MID1: variants seen among roughly 807,000 people sequenced by gnomAD.
The protein encoded by MID1 is E3 ubiquitin-protein ligase Midline-1.
Under a neutral mutation model 40.4 loss-of-function variants are expected in MID1, and 7 were observed. The ratio of observed to expected loss-of-function variants is 0.17; its 90% confidence interval spans 0.10 to 0.33. The LOEUF (loss-of-function observed/expected upper bound fraction) is 0.33. Ranked by LOEUF, MID1 falls within the 10% of genes least tolerant of loss-of-function variation. MID1 has a pLI of 1.00. For missense variants in MID1, 367 were observed against 558.5 expected (o/e 0.66, Z 3.46); for synonymous variants, 229 against 221.2 (o/e 1.04, Z -0.31).
chrX:10,700,478 G>T (rs1378835833), intron 1 of MID1, among the ~76,000 whole-genome samples: 1 of 111,292 alleles, frequency 9.0e-6, no homozygotes, highest in African/African-American at 3.3e-5. Context: ...CCTGAGCTCT[G>T]GGAGGTTGAG....
At chrX:10,751,280 A>G (rs897135251) in intron 1 of MID1, among the ~76,000 whole-genome samples, 5 of 109,811 alleles carry the variant, frequency 4.6e-5, no homozygotes, top group African/African-American at 1.7e-4. Flanking sequence ...AAAAAGAAAG[A>G]AAGAAAAAAG....
In MID1 at chrX:10,460,356, T is replaced by C. The variant is rs1246333391; in HGVS notation, c.1286-549A>G. ...GACCTCCAACAGGGAAGCTAAGAAA[T>C]GATCATCATCCCTAGGATGACTGGT... On this transcript the variant is annotated intron_variant, in intron 7 of 9. Coordinates refer to ENST00000317552, the MANE Select transcript of MID1 (RefSeq NM_000381.4). 2.7e-5 allele frequency among the ~76,000 whole-genome samples: 3 copies of C among 111,163 alleles called. No homozygotes were observed. The East Asian group carries it at 8.5e-4, about 32-fold the overall frequency.
intron 1 of MID1, among the ~76,000 whole-genome samples, chrX:10,670,587 G>A (rs1036494700): frequency 8.9e-6 from 1 of 111,875 alleles, no homozygotes; most frequent in African/African-American, 3.2e-5. Flanking sequence ...ACTACGTCAA[G>A]GTATCAAGAT....
intron 1 of MID1, among the ~76,000 whole-genome samples, chrX:10,778,554 G>A (rs755918706): frequency 8.9e-6 from 1 of 112,488 alleles, no homozygotes; most frequent in South Asian, 3.7e-4. Flanking sequence ...AGGCTCTTGA[G>A]ATAGAAAGAT....
chrX:10,638,415 A>T (rs1445893451), intron 1 of MID1, among the ~76,000 whole-genome samples: 1 of 112,068 alleles, frequency 8.9e-6, no homozygotes, highest in Non-Finnish European at 1.9e-5. Context: ...CTGCTAGCAC[A>T]GCAATCTGAG....
intron 1 of MID1, among the ~76,000 whole-genome samples, chrX:10,817,872 G>T (rs1234557415): frequency 9.0e-6 from 1 of 110,929 alleles, no homozygotes; most frequent in African/African-American, 3.3e-5. Flanking sequence ...GCCTGCCTTG[G>T]CCTCCCAAAG....
chrX:10,501,240 C>T (rs1259772615), intron 3 of MID1, among the ~76,000 whole-genome samples: 2 of 111,162 alleles, frequency 1.8e-5, no homozygotes, highest in African/African-American at 6.5e-5. Context: ...ACCCAGGAGT[C>T]GGAGGTTACA....
chrX:10,683,060 C>T (rs769557573), intron 1 of MID1, among the ~76,000 whole-genome samples: 28 of 111,749 alleles, frequency 2.5e-4, no homozygotes, highest in African/African-American at 9.1e-4. Context: ...TCAACTTTGG[C>T]ATACTGTGCT....
chrX:10,657,668 AT>A (rs1424454711), intron 1 of MID1, among the ~76,000 whole-genome samples: 1 of 112,123 alleles, frequency 8.9e-6, no homozygotes, highest in Non-Finnish European at 1.9e-5. Flanking sequence ...GTGGAATTTA[AT>A]TTTTTTGTAA....
chrX:10,631,132 G>A (rs765256834), intron 1 of MID1, among the ~76,000 whole-genome samples: 109 of 111,946 alleles, frequency 9.7e-4, no homozygotes, highest in South Asian at 1.9e-3. Flanking sequence ...CCCAATCAAT[G>A]CAGTATAGCA....
chrX:10,717,407 T>C (rs1205765415), intron 1 of MID1, among the ~76,000 whole-genome samples: 1 of 105,842 alleles, frequency 9.4e-6, no homozygotes, highest in African/African-American at 3.5e-5. Context: ...TAGTCTCTGA[T>C]AAAACAGACT....
At chrX:10,613,696 A>AATATAT (rs1177605401) in intron 1 of MID1, among the ~76,000 whole-genome samples, 35 of 16,843 alleles carry the variant, frequency 2.1e-3, no homozygotes, top group South Asian at 4.9e-3. Context: ...AACTGAAAGG[A>AATATAT]ATATATATAT....
intron 1 of MID1, among the ~76,000 whole-genome samples, chrX:10,798,265 T>A (rs2043980724): frequency 8.9e-6 from 1 of 112,262 alleles, no homozygotes; most frequent in Admixed American, 9.5e-5. Flanking sequence ...ATAGTACTTG[T>A]CACATTGCAT....
chrX:10,575,224 ATTATCT>A lies in MID1; in HGVS notation c.-56-7627_-56-7622del, dbSNP rs753239348. ...TTGCTGTTTGGATTTTTGCTATGAG[ATTATCT>A]TTATTATAGAACTATAGGTGAAATA... On this transcript the variant is annotated intron_variant, in intron 1 of 9. Transcript: ENST00000317552. 9.9e-3 allele frequency among the ~76,000 whole-genome samples: 1,104 copies of A among 111,861 alleles called. 19 individuals are homozygous for A. The highest frequency in any genetic ancestry group is 0.034 in the African/African-American group (1,041 of 30,797).
chrX:10,777,010 C>G (rs1356593530), intron 1 of MID1, among the ~76,000 whole-genome samples: 1 of 110,748 alleles, frequency 9.0e-6, no homozygotes, highest in Non-Finnish European at 1.9e-5. Flanking sequence ...TCTAAAATCT[C>G]TGGGAAATAA....
intron 2 of MID1, among the ~76,000 whole-genome samples, chrX:10,561,280 G>C (rs1934327862): frequency 9.3e-6 from 1 of 107,005 alleles, no homozygotes; most frequent in Non-Finnish European, 1.9e-5. Context: ...AGAAAACCTA[G>C]GCAATACCAT....
intron 8 of MID1, among the ~76,000 whole-genome samples, chrX:10,457,520 G>A (rs913584763): frequency 2.7e-5 from 3 of 112,180 alleles, no homozygotes; most frequent in East Asian, 2.8e-4. Context: ...TATTCAGGCC[G>A]TTGTTTACTT....
chrX:10,473,447 A>G (rs1417056213), intron 6 of MID1, among the ~76,000 whole-genome samples: 2 of 112,323 alleles, frequency 1.8e-5, no homozygotes, highest in Non-Finnish European at 3.8e-5. Flanking sequence ...TTGACAATGC[A>G]GAAAGGCTAA....
At chrX:10,788,453 G>A (rs1169915027) in intron 1 of MID1, among the ~76,000 whole-genome samples, 1 of 111,498 alleles carries the variant, frequency 9.0e-6, no homozygotes, top group African/African-American at 3.3e-5. Context: ...TGTGTTCATA[G>A]CAAATGCAGT....
Sources: gnomAD v4.1 joint callset for allele counts (sites outside exome capture counted in the v4.1 genomes callset) on GRCh38, gnomAD v4.1.1 for gene constraint, MANE v1.5 for transcripts, NCBI Gene and HGNC (gene_info 2026-07-23, HGNC 2026-07-21) for gene names.